Variants in WDFY3 observed in about 807,000 individuals in gnomAD.
WDFY3 encodes the protein WD repeat and FYVE domain-containing protein 3.
In WDFY3, 66 loss-of-function variants were observed where a neutral mutation model predicts 409.6. That is an observed-to-expected ratio of 0.16 (90% confidence interval 0.13 to 0.20). The LOEUF (loss-of-function observed/expected upper bound fraction) is 0.20, where lower values mean the gene tolerates loss of function less well. Among genes scored for constraint, WDFY3 ranks in the 10% least tolerant of loss-of-function variants. WDFY3 has a pLI of 1.00. For synonymous variants in WDFY3, 1,521 were observed against 1,537.1 expected (o/e 0.99, Z 0.25); for missense variants, 3,031 against 4,298.1 (o/e 0.71, Z 8.24).
At position 84,810,329 on chromosome 4, in the gene WDFY3, G is replaced by A. The variant is rs1367295142; in HGVS notation, c.1903C>T (p.Leu635Phe). The stretch of plus-strand genomic sequence containing the variant: ...GTTCTTGAACGATGGCTTTCTCGAA[G>A]GACCGACAGGAGGGCCTACAGGAGA... The part of the protein sequence containing the change: ...TDILRALLSV[L>F]RESHRSRTVF... Residue 635 changes from leucine (L) to phenylalanine (F), a missense_variant, in exon 14 of 68, where the codon CTT (leucine) becomes TTT (phenylalanine). Physicochemically the swap from Leu to Phe is conservative, Grantham distance 22. Coordinates refer to ENST00000295888, the MANE Select transcript of WDFY3 (RefSeq NM_014991.6). The A allele has an allele frequency of 2.5e-6, 4 of 1,603,864 alleles. No individual in the cohort carries two copies. In the African/African-American group the frequency reaches 4.0e-5, roughly 16 times the overall value.
intron 59 of WDFY3, 37 bp downstream of exon 59, chr4:84,692,848 A>C (rs755903740): frequency 1.3e-6 from 2 of 1,559,996 alleles, no homozygotes. Flanking sequence ...CAATCCCATT[A>C]AATCATTAAT....
intron 2 of WDFY3, among the ~76,000 whole-genome samples, chr4:84,913,719 AG>A (rs1353610122): frequency 6.6e-5 from 10 of 152,064 alleles, no homozygotes; most frequent in Non-Finnish European, 1.3e-4. Flanking sequence ...TGGTGGAAGA[AG>A]GATTGGAAAA....
intron 2 of WDFY3, among the ~76,000 whole-genome samples, chr4:84,920,134 A>G (rs1769081779): frequency 6.6e-6 from 1 of 152,188 alleles, no homozygotes; most frequent in South Asian, 2.1e-4. Flanking sequence ...CATATAATAA[A>G]AGATAAAGGT....
chr4:84,716,156 G>A (rs1733854397), intron 49 of WDFY3, among the ~76,000 whole-genome samples: 1 of 152,024 alleles, frequency 6.6e-6, no homozygotes, highest in Admixed American at 6.6e-5. Flanking sequence ...TGCAGATCCT[G>A]GCCAGCCACG....
At chr4:84,825,854 T>G (rs1407993673) in intron 10 of WDFY3, among the ~76,000 whole-genome samples, 1 of 152,144 alleles carries the variant, frequency 6.6e-6, no homozygotes, top group Non-Finnish European at 1.5e-5. Context: ...GACAGTCATG[T>G]GAATAAAAAC....
intron 56 of WDFY3, among the ~76,000 whole-genome samples, chr4:84,697,783 T>C (rs1730369447): frequency 6.6e-6 from 1 of 152,228 alleles, no homozygotes; most frequent in Non-Finnish European, 1.5e-5. Flanking sequence ...TAAATACTTG[T>C]TCTGGAAATT....
At chr4:84,737,869 G>A (rs868783852) in intron 40 of WDFY3, among the ~76,000 whole-genome samples, 6 of 152,162 alleles carry the variant, frequency 3.9e-5, no homozygotes, top group African/African-American at 1.4e-4. Context: ...CTGAGGGCCT[G>A]TGATAACAAG....
intron 2 of WDFY3, among the ~76,000 whole-genome samples, chr4:84,918,828 G>GATATATATATAT (rs139610468): frequency 6.9e-6 from 1 of 145,474 alleles, no homozygotes; most frequent in South Asian, 2.1e-4. Flanking sequence ...TATATATATA[G>GATATATATATAT]ATATATATAT....
chr4:84,881,386 TAC>T (rs369265728), intron 3 of WDFY3, among the ~76,000 whole-genome samples: 270 of 152,124 alleles, frequency 1.8e-3, no homozygotes, highest in African/African-American at 6.1e-3. Context: ...AATAAAGCAA[TAC>T]AGTTATTTCT....
chr4:84,789,632 A>C (rs961876910), intron 22 of WDFY3, 94 bp downstream of exon 22: 19 of 1,014,700 alleles, frequency 1.9e-5, no homozygotes, highest in Non-Finnish European at 2.4e-5. Context: ...ATATCCCTGT[A>C]ACACACACAC....
chr4:84,720,884 G>T (rs534119103), intron 47 of WDFY3, among the ~76,000 whole-genome samples: 124 of 152,292 alleles, frequency 8.1e-4, no homozygotes, highest in Non-Finnish European at 1.6e-3. Flanking sequence ...AGGCTGCAGG[G>T]GCTCAGGCTA....
chr4:84,756,811 T>C (rs1303184015), intron 33 of WDFY3, 115 bp downstream of exon 33: 6 of 1,234,722 alleles, frequency 4.9e-6, no homozygotes, highest in Non-Finnish European at 6.8e-6. Context: ...AAATCAAACC[T>C]TAAATGTGGG....
In WDFY3 at chr4:84,794,597, C is replaced by T. The variant is rs960471520; in HGVS notation, c.3409G>A (p.Val1137Met). The change falls in exon 21 of 68, where the codon GTG becomes ATG. Residue 1137 changes from valine to methionine, a missense_variant. Physicochemically the swap from Val to Met is conservative, Grantham distance 21. Around this residue, in one of 16 missense-constraint regions of WDFY3, gnomAD observed 1,322 missense variants for 1,697.9 expected, o/e 0.78. Transcript: ENST00000295888. Reference protein sequence around the residue: ...RRANSSEQHYVCLAIVLSAKD... With the variant: ...RRANSSEQHYMCLAIVLSAKD... ...GCTGATAGAACTATTGCAAGGCACA[C>T]GTAATGTTGCTCAGAAGAATTTGCT... The T allele has an allele frequency of 8.1e-6, 13 of 1,613,836 alleles. 1 individual carries two copies. Among genetic ancestry groups the T allele is most frequent in the African/African-American group, 8.0e-5 (6 of 74,852 alleles).
chr4:84,817,760 C>G (rs1340573675), intron 12 of WDFY3, among the ~76,000 whole-genome samples, 175 bp from the exon 13 acceptor site: 2 of 152,140 alleles, frequency 1.3e-5, no homozygotes, highest in Non-Finnish European at 2.9e-5. Flanking sequence ...AGTGGGTTGT[C>G]AGCAAAGGTA....
chr4:84,768,522 C>G (rs947438922), intron 30 of WDFY3, among the ~76,000 whole-genome samples: 12 of 152,148 alleles, frequency 7.9e-5, no homozygotes, highest in African/African-American at 2.9e-4. Context: ...TGCCTATGCT[C>G]GCTAAATGAA....
intron 50 of WDFY3, 88 bp downstream of exon 50, chr4:84,715,210 G>A: frequency 1.4e-6 from 1 of 738,210 alleles, no homozygotes. Flanking sequence ...CATTGATCTA[G>A]ATTTTTAAAA....
intron 4 of WDFY3, among the ~76,000 whole-genome samples, chr4:84,856,056 T>G (rs1759724124): frequency 6.6e-6 from 1 of 152,198 alleles, no homozygotes; most frequent in Non-Finnish European, 1.5e-5. Context: ...AGCCACATTC[T>G]CCAGTATCAA....
chr4:84,810,349 A>G lies in WDFY3; in HGVS notation c.1888-5T>C, dbSNP rs376150569. The G allele has an allele frequency of 3.5e-5, 54 of 1,528,350 alleles. No individual in the cohort carries two copies. The highest frequency in any genetic ancestry group is 8.4e-5 in the African/African-American group (6 of 71,214). 94.7% of individuals were successfully genotyped at this position (1,528,350 alleles called of 1,614,324 possible). A position where few individuals can be genotyped will look rare whatever the true frequency, so the allele number is the denominator to read the frequency against. On this transcript the variant is annotated splice_polypyrimidine_tract_variant and splice_region_variant and intron_variant, in intron 13 of 67. Coordinates refer to ENST00000295888, the MANE Select transcript of WDFY3 (RefSeq NM_014991.6). Reference sequence around the variant, plus strand: ...TCGAAGGACCGACAGGAGGGCCTACAGGAGACAAAAGAAAAAACAAATGAA... The same window carrying G: ...TCGAAGGACCGACAGGAGGGCCTACGGGAGACAAAAGAAAAAACAAATGAA...
rs186391376 is a variant in WDFY3 at position 84,956,809 on chromosome 4, G to T, written c.-226+9400C>A. ...ATTGGATCAGCATAATGATAAAAAG[G>T]GTTGTCTCCATACACCTCCAAGCCT... On this transcript the variant is annotated intron_variant, in intron 1 of 67. Transcript: ENST00000295888. 6.6e-5 allele frequency among the ~76,000 whole-genome samples: 10 copies of T among 151,970 alleles called. No individual in the cohort carries two copies. The South Asian group carries it at 1.2e-3, about 19-fold the overall frequency.
Sources: gnomAD v4.1 joint callset for allele counts (sites outside exome capture counted in the v4.1 genomes callset) on GRCh38, gnomAD v4.1.1 for gene constraint, gnomAD v4.1.1 regional missense constraint, MANE v1.5 for transcripts, NCBI Gene and HGNC (gene_info 2026-07-23, HGNC 2026-07-21) for gene names.